Variants in LPCAT2 observed in about 807,000 individuals in gnomAD.
The protein encoded by LPCAT2 is lysophosphatidylcholine acyltransferase 2, also known as 1-AGP acyltransferase 11.
A neutral mutation model predicts 64.7 loss-of-function variants in LPCAT2; 58 were observed. The ratio of observed to expected loss-of-function variants is 0.90; its 90% CI spans 0.73 to 1.12. The LOEUF (loss-of-function observed/expected upper bound fraction) is 1.12. Ranked by LOEUF, LPCAT2 falls within the 50% of genes most tolerant of loss-of-function variation. LPCAT2 has a pLI of 0.00. For missense variants in LPCAT2, 579 were observed against 669.8 expected, an observed-to-expected ratio of 0.86 and a Z score of 1.50; for synonymous variants, 252 against 245.3, an observed-to-expected ratio of 1.03 and a Z score of -0.26.
intron 1 of LPCAT2, among the ~76,000 whole-genome samples, chr16:55,522,769 T>G (rs79810537): frequency 6.6e-6 from 1 of 151,612 alleles, no homozygotes; most frequent in African/African-American, 2.4e-5. Flanking sequence ...TGGTTAAAAA[T>G]GAACCTTGAT....
chr16:55,557,105 A>G (rs1377234822), intron 11 of LPCAT2: 1 of 152,192 alleles, frequency 6.6e-6, no homozygotes, highest in Non-Finnish European at 1.5e-5. Context: ...TGAGGTTTAG[A>G]TATAAACCGT....
At chr16:55,551,182 A>G (rs1963513515) in intron 11 of LPCAT2, 80 bp downstream of exon 11, 3 of 1,303,544 alleles carry the variant, frequency 2.3e-6, no homozygotes, top group Non-Finnish European at 3.1e-6. Flanking sequence ...CAATTTGAAA[A>G]ACTTGATAGG....
At chr16:55,549,168 T>A in intron 9 of LPCAT2, 109 bp from the exon 10 acceptor site, 1 of 829,640 alleles carries the variant, frequency 1.2e-6, no homozygotes, top group Non-Finnish European at 1.8e-6. Context: ...TAAAAAGTAG[T>A]AAATACTTTT....
chr16:55,518,226 G>T (rs1296882641), intron 1 of LPCAT2, among the ~76,000 whole-genome samples: 1 of 151,828 alleles, frequency 6.6e-6, no homozygotes, highest in Non-Finnish European at 1.5e-5. Context: ...AGCAACAGAA[G>T]AATTCTACAT....
At position 55,550,948 on chromosome 16, in the gene LPCAT2, G is replaced by C. The variant is rs1333640342; in HGVS notation, c.1062-1G>C. On this transcript the variant is annotated splice_acceptor_variant, in intron 10 of 13. Coordinates refer to ENST00000262134, the MANE Select transcript of LPCAT2 (RefSeq NM_017839.5). LOFTEE classifies it high-confidence loss of function. ...GTATCTATAATTCTTTGTTTGTTTA[G>C]ATTAGATTGGGATGGTGTTCGTAAG... 6.3e-7 allele frequency: 1 copy of C among 1,582,916 alleles called. No individual in the cohort carries two copies. Among genetic ancestry groups the C allele is most frequent in the Non-Finnish European group, 8.6e-7 (1 of 1,159,506 alleles).
At chr16:55,578,537 A>G (rs1377212655) in intron 12 of LPCAT2, among the ~76,000 whole-genome samples, 1 of 152,092 alleles carries the variant, frequency 6.6e-6, no homozygotes, top group East Asian at 1.9e-4. Flanking sequence ...CCTGCTTCTC[A>G]AACCCAGACT....
intron 11 of LPCAT2, among the ~76,000 whole-genome samples, chr16:55,570,538 G>A (rs1263688172): frequency 6.6e-6 from 1 of 152,112 alleles, no homozygotes; most frequent in East Asian, 1.9e-4. Context: ...GGGAGGCTGA[G>A]GCGGAGGATC....
intron 11 of LPCAT2, among the ~76,000 whole-genome samples, chr16:55,559,195 G>A (rs569292671): frequency 6.6e-6 from 1 of 152,234 alleles, no homozygotes; most frequent in East Asian, 1.9e-4. Context: ...AGGTGATTAT[G>A]ATTTCCATTC....
chr16:55,518,522 T>C (rs1175368661), intron 1 of LPCAT2, among the ~76,000 whole-genome samples: 1 of 152,188 alleles, frequency 6.6e-6, no homozygotes, highest in Non-Finnish European at 1.5e-5. Context: ...TTTCTCATTT[T>C]CAAAACGTAC....
intron 11 of LPCAT2, among the ~76,000 whole-genome samples, chr16:55,554,120 T>A (rs781738856): frequency 6.6e-6 from 1 of 152,116 alleles, no homozygotes; most frequent in Admixed American, 6.6e-5. Flanking sequence ...AACATAATGT[T>A]TAAGGGCCCT....
intron 11 of LPCAT2, among the ~76,000 whole-genome samples, chr16:55,560,648 T>G (rs1465372289): frequency 6.6e-6 from 1 of 152,106 alleles, no homozygotes; most frequent in Admixed American, 6.6e-5. Flanking sequence ...AACAGACCTT[T>G]GGGTATCAAA....
chr16:55,577,193 T>C (rs1470871514), intron 12 of LPCAT2, among the ~76,000 whole-genome samples: 3 of 152,224 alleles, frequency 2.0e-5, no homozygotes, highest in Admixed American at 6.6e-5. Flanking sequence ...GAAATGGACT[T>C]GAAGCCAGAG....
At chr16:55,509,498 A>T in intron 1 of LPCAT2, 146 bp downstream of exon 1, 1 of 847,444 alleles carries the variant, frequency 1.2e-6, no homozygotes, top group Non-Finnish European at 1.6e-6. Flanking sequence ...GGCGGGCGAG[A>T]GTCTGAGGAG....
intron 4 of LPCAT2, among the ~76,000 whole-genome samples, chr16:55,530,492 T>TC (rs1392823404): frequency 7.0e-6 from 1 of 142,186 alleles, no homozygotes; most frequent in Non-Finnish European, 1.5e-5. Flanking sequence ...AATGCGGGGG[T>TC]GGGGGGGGGG....
At chr16:55,568,084 G>A (rs1335349023) in intron 11 of LPCAT2, among the ~76,000 whole-genome samples, 1 of 152,094 alleles carries the variant, frequency 6.6e-6, no homozygotes, top group East Asian at 1.9e-4. Flanking sequence ...TATAAGGGTA[G>A]CATTTTTTTA....
intron 13 of LPCAT2, among the ~76,000 whole-genome samples, chr16:55,580,169 A>C (rs1176282857): frequency 1.3e-5 from 2 of 152,184 alleles, no homozygotes; most frequent in Non-Finnish European, 2.9e-5. Context: ...GGATGGGAAA[A>C]GTAGATCACA....
At chr16:55,543,628 A>G (rs920476117) in intron 8 of LPCAT2, among the ~76,000 whole-genome samples, 20 of 152,138 alleles carry the variant, frequency 1.3e-4, no homozygotes, top group African/African-American at 4.8e-4. Flanking sequence ...CTTTGCCAAG[A>G]TAGTTATTCT....
At chr16:55,553,334 C>G (rs1374112103) in intron 11 of LPCAT2, among the ~76,000 whole-genome samples, 1 of 152,228 alleles carries the variant, frequency 6.6e-6, no homozygotes. Flanking sequence ...CTCTCAAACC[C>G]TGTCATTGCT....
In LPCAT2 at chr16:55,586,378, C is replaced by T. The variant is rs1301263767; in HGVS notation, c.*3280C>T. 6.6e-6 allele frequency: 1 copy of T among 151,930 alleles called. No homozygotes were observed. The highest frequency in any genetic ancestry group is 1.5e-5 in the Non-Finnish European group (1 of 67,992). 9.4% of individuals were successfully genotyped at this position (151,930 alleles called of 1,614,324 possible). A position where few individuals can be genotyped will look rare whatever the true frequency, so the allele number is the denominator to read the frequency against. On this transcript the variant is annotated 3_prime_UTR_variant, in exon 14 of 14. Transcript: ENST00000262134. The stretch of plus-strand genomic sequence containing the variant: ...GTCCCTATTTTTTATAACGTATTAA[C>T]CTTATTATTTTCTTATTATTTTAAA...
Sources: allele counts gnomAD v4.1 joint callset (sites outside exome capture counted in the v4.1 genomes callset), GRCh38; gene constraint gnomAD v4.1.1; transcripts MANE v1.5; gene names NCBI Gene and HGNC (gene_info 2026-07-23, HGNC 2026-07-21).